NCKAP5: variants seen among roughly 807,000 people sequenced by gnomAD.
The protein encoded by NCKAP5 is NCK associated protein 5, also known as nck-associated protein 5.
NCKAP5 carries 92 observed loss-of-function variants against 167.0 expected under a neutral mutation model. The ratio of observed to expected loss-of-function variants is 0.55; its 90% CI spans 0.47 to 0.66. The LOEUF (loss-of-function observed/expected upper bound fraction) is 0.66, where lower values mean the gene tolerates loss of function less well. Ranked by LOEUF, NCKAP5 falls within the 30% of genes least tolerant of loss-of-function variation. The pLI, the probability that NCKAP5 is intolerant of heterozygous loss-of-function variation, is 0.00. For synonymous variants in NCKAP5, 891 were observed against 877.4 expected (o/e 1.02, Z -0.27); for missense variants, 2,378 against 2,315.0 (o/e 1.03, Z -0.56).
chr2:132,863,674 T>A (rs16842726), intron 10 of NCKAP5, among the ~76,000 whole-genome samples: 41,542 of 151,908 alleles, frequency 0.27, 6,138 homozygotes, highest in East Asian at 0.45. Flanking sequence ...GGCTTTAGGG[T>A]TGTGACACTG....
intron 15 of NCKAP5, among the ~76,000 whole-genome samples, chr2:132,780,710 G>A (rs1030533271): frequency 2.6e-5 from 4 of 152,110 alleles, no homozygotes; most frequent in African/African-American, 9.7e-5. Context: ...GGTGATGTTA[G>A]AAATAATCAT....
intron 8 of NCKAP5, among the ~76,000 whole-genome samples, chr2:132,919,403 G>A (rs1695133662): frequency 6.6e-6 from 1 of 152,178 alleles, no homozygotes; most frequent in African/African-American, 2.4e-5. Flanking sequence ...TTGAATGTGT[G>A]TTCTACACAG....
intron 6 of NCKAP5, among the ~76,000 whole-genome samples, chr2:133,022,862 T>A (rs1056996426): frequency 6.6e-6 from 1 of 152,200 alleles, no homozygotes; most frequent in Admixed American, 6.5e-5. Flanking sequence ...GGAAGCCATC[T>A]TCCTCGCCCC....
At chr2:132,940,048 C>CT (rs1158756829) in intron 8 of NCKAP5, among the ~76,000 whole-genome samples, 3 of 152,092 alleles carry the variant, frequency 2.0e-5, no homozygotes, top group African/African-American at 7.2e-5. Context: ...GCATCCCAAC[C>CT]TTACCTTCTG....
At chr2:133,151,181 T>A (rs2083372445) in intron 5 of NCKAP5, among the ~76,000 whole-genome samples, 1 of 152,148 alleles carries the variant, frequency 6.6e-6, no homozygotes, top group Admixed American at 6.5e-5. Context: ...TATACCTCAA[T>A]AAAAAGTTTT....
chr2:133,083,111 T>C (rs546347620), intron 6 of NCKAP5, among the ~76,000 whole-genome samples: 17 of 152,186 alleles, frequency 1.1e-4, no homozygotes, highest in African/African-American at 4.1e-4. Context: ...CTTTAAGTGG[T>C]GTTAAGAAAA....
chr2:133,292,270 T>C (rs1413788311), intron 4 of NCKAP5, among the ~76,000 whole-genome samples: 1 of 151,650 alleles, frequency 6.6e-6, no homozygotes, highest in Non-Finnish European at 1.5e-5. Flanking sequence ...TAGAAAGCCA[T>C]GGTAAATTAC....
At position 133,013,792 on chromosome 2, in the gene NCKAP5, C is replaced by T. The variant is rs183869241; in HGVS notation, c.342-19553G>A. On this transcript the variant is annotated intron_variant, in intron 6 of 19. Transcript: ENST00000409261. ...TTTTTTGTGTGTGTGTAGGCACCTA[C>T]ATCCTGGTTTACATCCTTCTGTGTT... Among the ~76,000 whole-genome samples the T allele has an allele frequency of 9.2e-5, 14 of 152,280 alleles. No homozygotes were observed. The East Asian group carries it at 1.9e-3, about 21-fold the overall frequency.
intron 1 of NCKAP5, among the ~76,000 whole-genome samples, chr2:133,567,326 G>A (rs563993813): frequency 2.0e-5 from 3 of 152,140 alleles, no homozygotes; most frequent in African/African-American, 4.8e-5. Context: ...AATAGCTCAC[G>A]GGCCAGCCGG....
intron 6 of NCKAP5, among the ~76,000 whole-genome samples, chr2:133,052,134 C>T (rs1251315270): frequency 1.3e-5 from 2 of 152,168 alleles, no homozygotes. Context: ...TCTTGGTTTA[C>T]AAGTTAGAGC....
intron 8 of NCKAP5, among the ~76,000 whole-genome samples, chr2:132,924,201 G>T (rs1443623757): frequency 6.6e-6 from 1 of 152,054 alleles, no homozygotes; most frequent in East Asian, 1.9e-4. Flanking sequence ...AGTGAAAAAA[G>T]CCATTATTCC....
intron 3 of NCKAP5, among the ~76,000 whole-genome samples, chr2:133,471,224 T>C (rs1020098551): frequency 2.6e-5 from 4 of 152,184 alleles, no homozygotes; most frequent in African/African-American, 9.7e-5. Flanking sequence ...CACACCCCTC[T>C]TTTGTGGGTG....
chr2:132,895,885 A>C (rs1187168551), intron 8 of NCKAP5, among the ~76,000 whole-genome samples: 1 of 151,760 alleles, frequency 6.6e-6, no homozygotes, highest in Non-Finnish European at 1.5e-5. Context: ...CTGTAATCCC[A>C]GCACTTTGTA....
rs1177776792 is a variant in NCKAP5 at position 132,868,975 on chromosome 2, C to T, written c.649-1G>A. ...GAGCTTGAACAACTTGGTTGGCTAC[C>T]TTTAAAAAATAAAGAAAAAGTTGTC... On this transcript the variant is annotated splice_acceptor_variant, in intron 9 of 19. Transcript: ENST00000409261. LOFTEE classifies it high-confidence loss of function. 2 of 1,539,274 alleles carry T rather than the reference C, an allele frequency of 1.3e-6. No individual in the cohort carries two copies. The highest frequency in any genetic ancestry group is 1.2e-5 in the South Asian group (1 of 81,434).
chr2:132,745,611 A>T (rs1679573848), intron 16 of NCKAP5, among the ~76,000 whole-genome samples: 1 of 151,972 alleles, frequency 6.6e-6, no homozygotes, highest in South Asian at 2.1e-4. Flanking sequence ...GCAACAAGGT[A>T]AGGAAAAGAA....
chr2:132,798,254 T>C (rs7591491), intron 11 of NCKAP5, among the ~76,000 whole-genome samples: 28,147 of 152,138 alleles, frequency 0.19, 3,085 homozygotes, highest in East Asian at 0.3. Context: ...ATACAATTTA[T>C]CTCATCTTGC....
chr2:133,149,796 G>T (rs187382006), intron 5 of NCKAP5, among the ~76,000 whole-genome samples: 16 of 152,170 alleles, frequency 1.1e-4, no homozygotes, highest in Non-Finnish European at 1.5e-4. Context: ...TCTAGTCCAT[G>T]CCCCCTACTT....
chr2:133,396,039 T>G (rs1355700213), intron 3 of NCKAP5, among the ~76,000 whole-genome samples: 1 of 152,072 alleles, frequency 6.6e-6, no homozygotes, highest in Non-Finnish European at 1.5e-5. Flanking sequence ...ATCCATTGCC[T>G]TTGAGAATAA....
At chr2:132,910,335 A>G (rs1694348131) in intron 8 of NCKAP5, among the ~76,000 whole-genome samples, 1 of 152,022 alleles carries the variant, frequency 6.6e-6, no homozygotes, top group Admixed American at 6.6e-5. Flanking sequence ...TATTTGTGCT[A>G]TCATATAGTA....
Sources: allele counts gnomAD v4.1 joint callset (sites outside exome capture counted in the v4.1 genomes callset), GRCh38; gene constraint gnomAD v4.1.1; transcripts MANE v1.5; gene names NCBI Gene and HGNC (gene_info 2026-07-23, HGNC 2026-07-21).